Variants in FBXO36 observed in about 807,000 individuals in gnomAD.
FBXO36 encodes F-box protein 36, also known as F-box only protein 36.
FBXO36 carries 18 observed loss-of-function variants against 17.0 expected under a neutral mutation model. The ratio of observed to expected loss-of-function variants is 1.06; its 90% CI spans 0.73 to 1.57. FBXO36 has a LOEUF of 1.57. Ranked by LOEUF, FBXO36 falls within the 40% of genes most tolerant of loss-of-function variation. The pLI, the probability that FBXO36 is intolerant of heterozygous loss-of-function variation, is 0.00. For missense variants in FBXO36, 229 were observed against 221.9 expected (o/e 1.03, Z -0.20); for synonymous variants, 83 against 85.3 (o/e 0.97, Z 0.15).
intron 2 of FBXO36, among the ~76,000 whole-genome samples, chr2:229,988,656 T>C (rs571866529): frequency 6.6e-6 from 1 of 152,214 alleles, no homozygotes; most frequent in African/African-American, 2.4e-5. Context: ...TGCCTCAGCC[T>C]CCTGAGTAGC....
chr2:229,926,274 AC>A (rs2076911745), intron 1 of FBXO36, among the ~76,000 whole-genome samples: 1 of 151,176 alleles, frequency 6.6e-6, no homozygotes. Context: ...TACTAAAAAT[AC>A]AAAAAATTAG....
intron 1 of FBXO36, among the ~76,000 whole-genome samples, chr2:229,948,852 G>A (rs2077040571): frequency 6.6e-6 from 1 of 151,812 alleles, no homozygotes; most frequent in Non-Finnish European, 1.5e-5. Flanking sequence ...TTATTTTTTT[G>A]AGACGAAGTC....
intron 1 of FBXO36, among the ~76,000 whole-genome samples, chr2:229,939,500 A>G (rs1577330142): frequency 6.6e-6 from 1 of 151,764 alleles, no homozygotes; most frequent in Non-Finnish European, 1.5e-5. Context: ...AATCCCAGCT[A>G]TTCGGGAGGC....
chr2:230,001,649 G>A (rs1052912239), intron 3 of FBXO36, among the ~76,000 whole-genome samples: 4 of 151,958 alleles, frequency 2.6e-5, no homozygotes, highest in Non-Finnish European at 4.4e-5. Context: ...TTCAAATTCC[G>A]GGGGACAAGT....
chr2:229,922,732 C>A lies in FBXO36; in HGVS notation c.96+123C>A, dbSNP rs1430354838. 3.1e-6 allele frequency: 3 copies of A among 957,656 alleles called. No homozygotes were observed. In the South Asian group the frequency reaches 4.9e-5, roughly 16 times the overall value. 59.3% of individuals were successfully genotyped at this position (957,656 alleles called of 1,614,324 possible). ...CCGCCGGAAGCGCCCAGTCCCGGCT[C>A]CGCGCCGGGAGATTTTCCTCGTCAC... is the stretch of plus-strand genomic sequence containing the variant. On this transcript the variant is annotated intron_variant, in intron 1 of 3. Coordinates refer to ENST00000283946, the MANE Select transcript of FBXO36 (RefSeq NM_174899.5).
At chr2:229,972,586 C>T (rs1241645901) in intron 1 of FBXO36, among the ~76,000 whole-genome samples, 1 of 151,980 alleles carries the variant, frequency 6.6e-6, no homozygotes, top group African/African-American at 2.4e-5. Context: ...ATGGAGCATA[C>T]TCTGTGTCTG....
intron 1 of FBXO36, among the ~76,000 whole-genome samples, chr2:229,950,752 CTTTT>C (rs71049605): frequency 1.3e-5 from 1 of 75,108 alleles, no homozygotes; most frequent in Non-Finnish European, 2.8e-5. Flanking sequence ...CTTCAGGCTA[CTTTT>C]TTTTTTTTTT....
chr2:229,926,104 A>G (rs939657584), intron 1 of FBXO36, among the ~76,000 whole-genome samples: 2 of 150,346 alleles, frequency 1.3e-5, no homozygotes, highest in East Asian at 1.9e-4. Context: ...AGCCTGGGCA[A>G]CATAGCAAGA....
chr2:229,959,594 C>T (rs185637716), intron 1 of FBXO36, among the ~76,000 whole-genome samples: 141 of 152,138 alleles, frequency 9.3e-4, no homozygotes, highest in Admixed American at 2.4e-3. Flanking sequence ...GCCTGGAATC[C>T]GAGCACTTTG....
In FBXO36 at chr2:229,922,505, C is replaced by T; in HGVS notation, c.-9C>T. The T allele has an allele frequency of 1.9e-6, 3 of 1,613,852 alleles. No individual in the cohort carries two copies. Among genetic ancestry groups the T allele is most frequent in the Non-Finnish European group, 8.5e-7 (1 of 1,179,860 alleles). On this transcript the variant is annotated 5_prime_UTR_variant, in exon 1 of 4. Coordinates refer to ENST00000283946, the MANE Select transcript of FBXO36 (RefSeq NM_174899.5). Reference sequence around the variant, plus strand: ...CTGGTTGTCTTAGCGACGGCGGTGGCGTCCCAAGATGGCGTCGTGGCTGCC... The same window carrying T: ...CTGGTTGTCTTAGCGACGGCGGTGGTGTCCCAAGATGGCGTCGTGGCTGCC...
At chr2:230,005,665 T>C (rs966478920) in intron 3 of FBXO36, among the ~76,000 whole-genome samples, 8 of 151,894 alleles carry the variant, frequency 5.3e-5, no homozygotes, top group Non-Finnish European at 1.0e-4. Context: ...TTCATTCATT[T>C]ATTCATTCAT....
chr2:229,982,078 G>A (rs1216115167), intron 2 of FBXO36, among the ~76,000 whole-genome samples: 1 of 151,840 alleles, frequency 6.6e-6, no homozygotes, highest in Non-Finnish European at 1.5e-5. Context: ...GGCTGGAGTG[G>A]AGTGGGGCCA....
At chr2:229,928,119 T>C (rs956273880) in intron 1 of FBXO36, among the ~76,000 whole-genome samples, 11 of 152,234 alleles carry the variant, frequency 7.2e-5, no homozygotes, top group African/African-American at 2.7e-4. Flanking sequence ...AGCAAGATTA[T>C]TGACCAAAGT....
intron 1 of FBXO36, among the ~76,000 whole-genome samples, chr2:229,950,750 TA>T (rs1320215476): frequency 3.3e-5 from 4 of 119,588 alleles, no homozygotes; most frequent in Non-Finnish European, 4.9e-5. Flanking sequence ...TACTTCAGGC[TA>T]CTTTTTTTTT....
intron 3 of FBXO36, among the ~76,000 whole-genome samples, chr2:230,001,003 T>A (rs1031427031): frequency 1.3e-5 from 2 of 151,314 alleles, no homozygotes; most frequent in Non-Finnish European, 2.9e-5. Flanking sequence ...GGACTACAGG[T>A]GCTTGCCACC....
At chr2:229,939,871 C>T (rs2076988659) in intron 1 of FBXO36, among the ~76,000 whole-genome samples, 2 of 152,096 alleles carry the variant, frequency 1.3e-5, no homozygotes, top group African/African-American at 2.4e-5. Context: ...CACCCGAGGT[C>T]GGGAGTTTGA....
At chr2:229,959,524 T>G (rs1387609402) in intron 1 of FBXO36, among the ~76,000 whole-genome samples, 1 of 152,180 alleles carries the variant, frequency 6.6e-6, no homozygotes, top group East Asian at 1.9e-4. Flanking sequence ...TTTGCTTTAT[T>G]GTAATAGAAC....
chr2:230,009,156 C>T (rs1023222179), intron 3 of FBXO36, among the ~76,000 whole-genome samples: 1 of 152,114 alleles, frequency 6.6e-6, no homozygotes, highest in Non-Finnish European at 1.5e-5. Flanking sequence ...TTACACATTT[C>T]TTCCTCCCCA....
chr2:229,955,512 TCTCAGA>T (rs528652810), intron 1 of FBXO36, among the ~76,000 whole-genome samples: 195 of 150,862 alleles, frequency 1.3e-3, no homozygotes, highest in Non-Finnish European at 1.9e-3. Context: ...TGAGACCCCG[TCTCAGA>T]AAAAAAAAAA....
Sources: gnomAD v4.1 joint callset for allele counts (sites outside exome capture counted in the v4.1 genomes callset) on GRCh38, gnomAD v4.1.1 for gene constraint, MANE v1.5 for transcripts, NCBI Gene and HGNC (gene_info 2026-07-23, HGNC 2026-07-21) for gene names.